CNTN5: variants seen among roughly 807,000 people sequenced by gnomAD.
CNTN5 encodes contactin 5.
Under a neutral mutation model 129.1 loss-of-function variants are expected in CNTN5, and 77 were observed. The ratio of observed to expected loss-of-function variants is 0.60; its 90% CI spans 0.50 to 0.72. The LOEUF (loss-of-function observed/expected upper bound fraction) is 0.72. Among genes scored for constraint, CNTN5 ranks in the 30% least tolerant of loss-of-function variants. The pLI, the probability that CNTN5 is intolerant of heterozygous loss-of-function variation, is 0.00. For missense variants in CNTN5, 1,478 were observed against 1,328.8 expected, an observed-to-expected ratio of 1.11 and a Z score of -1.75; for synonymous variants, 509 against 465.6, an observed-to-expected ratio of 1.09 and a Z score of -1.20.
At chr11:99,217,000 T>C (rs1051314405) in intron 1 of CNTN5, among the ~76,000 whole-genome samples, 3 of 152,082 alleles carry the variant, frequency 2.0e-5, no homozygotes, top group Non-Finnish European at 4.4e-5. Context: ...CTGACCAACA[T>C]GGTGAAACTC....
intron 3 of CNTN5, among the ~76,000 whole-genome samples, chr11:99,680,140 A>T (rs1217372720): frequency 6.6e-6 from 1 of 152,204 alleles, no homozygotes; most frequent in Non-Finnish European, 1.5e-5. Context: ...GAAAGTGCTG[A>T]TGTAGAAACT....
At chr11:99,284,309 G>T (rs966136455) in intron 1 of CNTN5, among the ~76,000 whole-genome samples, 2 of 151,906 alleles carry the variant, frequency 1.3e-5, no homozygotes, top group East Asian at 1.9e-4. Flanking sequence ...GACATGTTAT[G>T]GGATATATTT....
chr11:99,180,064 T>G (rs1329771498), intron 1 of CNTN5, among the ~76,000 whole-genome samples: 1 of 152,150 alleles, frequency 6.6e-6, no homozygotes, highest in Non-Finnish European at 1.5e-5. Context: ...CTGTTCTGTG[T>G]GGGAAACACG....
chr11:100,165,656 C>T (rs1363442499), intron 13 of CNTN5, among the ~76,000 whole-genome samples: 1 of 151,682 alleles, frequency 6.6e-6, no homozygotes, highest in African/African-American at 2.4e-5. Context: ...TCTTCCATCA[C>T]ATAACCAAAA....
At chr11:99,986,679 C>T (rs1395767091) in intron 8 of CNTN5, among the ~76,000 whole-genome samples, 1 of 152,058 alleles carries the variant, frequency 6.6e-6, no homozygotes, top group Non-Finnish European at 1.5e-5. Flanking sequence ...TTTTTCTCTG[C>T]TCTCCTTGAT....
intron 7 of CNTN5, among the ~76,000 whole-genome samples, chr11:99,920,599 C>T (rs1293462955): frequency 7.2e-5 from 11 of 152,110 alleles, no homozygotes; most frequent in Non-Finnish European, 4.4e-5. Context: ...GCCTCAGAGC[C>T]ATTCTTCACT....
At chr11:99,537,020 T>C (rs1233255194) in intron 2 of CNTN5, among the ~76,000 whole-genome samples, 1 of 152,184 alleles carries the variant, frequency 6.6e-6, no homozygotes, top group Non-Finnish European at 1.5e-5. Context: ...ACTTCCAGAA[T>C]ATCTCAATAT....
chr11:99,344,789 GA>G (rs2136065601), intron 2 of CNTN5, among the ~76,000 whole-genome samples: 2 of 152,260 alleles, frequency 1.3e-5, no homozygotes, highest in South Asian at 4.1e-4. Context: ...CCAGCTAAGG[GA>G]GCATTCAAAA....
intron 3 of CNTN5, among the ~76,000 whole-genome samples, chr11:99,776,569 C>A (rs1045191758): frequency 6.6e-6 from 1 of 151,066 alleles, no homozygotes; most frequent in African/African-American, 2.4e-5. Flanking sequence ...TCTCAGTGTT[C>A]TTTCCATAAC....
At chr11:99,506,921 T>C (rs911244615) in intron 2 of CNTN5, among the ~76,000 whole-genome samples, 8 of 152,168 alleles carry the variant, frequency 5.3e-5, no homozygotes, top group African/African-American at 1.4e-4. Flanking sequence ...GACAATTGTA[T>C]TTATTTAAAA....
rs201089070 is a variant in CNTN5, at chr11:100,341,181, C to G, written c.3006C>G (p.Asn1002Lys). 6.2e-7 allele frequency: 1 copy of G among 1,613,642 alleles called. No homozygotes were observed. Among genetic ancestry groups the G allele is most frequent in the Admixed American group, 1.7e-5 (1 of 60,020 alleles). The change falls in exon 23 of 25, where the codon AAC (asparagine) becomes AAG (lysine). Residue 1002 changes from asparagine (N) to lysine (K), a missense_variant. Asn to Lys is a moderately conservative substitution (Grantham distance 94). Coordinates refer to ENST00000524871, the MANE Select transcript of CNTN5 (RefSeq NM_014361.4). ...LGWEPVIPLA[N>K]ESEVVGYKVF... ...GGGAACCCGTCATACCATTAGCCAA[C>G]GAATCTGAAGTTGTGGGTTACAAGG...
chr11:99,515,250 A>G (rs866916707), intron 2 of CNTN5, among the ~76,000 whole-genome samples: 1 of 152,106 alleles, frequency 6.6e-6, no homozygotes, highest in Non-Finnish European at 1.5e-5. Context: ...CAAAAAAATT[A>G]ACAACTGTCA....
chr11:99,400,239 T>A (rs1395959764), intron 2 of CNTN5, among the ~76,000 whole-genome samples: 1 of 152,066 alleles, frequency 6.6e-6, no homozygotes, highest in Non-Finnish European at 1.5e-5. Flanking sequence ...ATAGTTTTGA[T>A]TTTTAAATCC....
intron 15 of CNTN5, among the ~76,000 whole-genome samples, chr11:100,194,973 C>T (rs927079827): frequency 1.3e-4 from 19 of 149,770 alleles, no homozygotes; most frequent in African/African-American, 4.1e-4. Flanking sequence ...ATTAAATGAG[C>T]GAATTTTAAC....
intron 3 of CNTN5, among the ~76,000 whole-genome samples, chr11:99,579,767 C>A (rs1949505294): frequency 6.7e-6 from 1 of 150,190 alleles, no homozygotes; most frequent in Non-Finnish European, 1.5e-5. Flanking sequence ...ACAATGATGT[C>A]ATCTGCAAAC....
chr11:100,086,114 C>T (rs1944543430), intron 13 of CNTN5, among the ~76,000 whole-genome samples: 1 of 151,784 alleles, frequency 6.6e-6, no homozygotes, highest in African/African-American at 2.4e-5. Flanking sequence ...AACTTGAATG[C>T]ACAGATTGAG....
chr11:99,119,528 A>T (rs11218456), intron 1 of CNTN5, among the ~76,000 whole-genome samples: 8 of 152,054 alleles, frequency 5.3e-5, no homozygotes, highest in Non-Finnish European at 8.8e-5. Context: ...TTCTTTATTC[A>T]GTATACCATT....
At chr11:99,594,646 C>T (rs1241886984) in intron 3 of CNTN5, among the ~76,000 whole-genome samples, 3 of 152,160 alleles carry the variant, frequency 2.0e-5, no homozygotes, top group African/African-American at 7.2e-5. Context: ...AAAAGAAGTA[C>T]TTTAGTCACA....
chr11:99,064,487 A>G (rs1334968028), intron 1 of CNTN5, among the ~76,000 whole-genome samples: 1 of 152,130 alleles, frequency 6.6e-6, no homozygotes, highest in East Asian at 1.9e-4. Context: ...AACAGTCAAA[A>G]GGCATCTGTT....
Sources: allele counts gnomAD v4.1 joint callset (sites outside exome capture counted in the v4.1 genomes callset), GRCh38; gene constraint gnomAD v4.1.1; transcripts MANE v1.5; gene names NCBI Gene and HGNC (gene_info 2026-07-23, HGNC 2026-07-21).